TMEM234: variants seen among roughly 807,000 people sequenced by gnomAD.
TMEM234 encodes chromosome 1 open reading frame 91.
TMEM234 carries 21 observed loss-of-function variants against 17.8 expected under a neutral mutation model. That is an observed-to-expected ratio of 1.18 (90% CI 0.84 to 1.70). The LOEUF (loss-of-function observed/expected upper bound fraction) is 1.70. Among genes scored for constraint, TMEM234 ranks in the 40% most tolerant of loss-of-function variants. The probability of loss-of-function intolerance (pLI) is 0.00; values close to 1 mark genes in which losing one functional copy is unlikely to be tolerated. For synonymous variants in TMEM234, 83 were observed against 73.5 expected (o/e 1.13, Z -0.66); for missense variants, 137 against 166.9 (o/e 0.82, Z 0.99).
Position 32,216,874 on chromosome 1 carries a change from C to T in TMEM234, c.402G>A (p.Gln134=). 1 of 1,614,204 alleles carries T rather than the reference C, an allele frequency of 6.2e-7. No individual in the cohort carries two copies. Residue 134 remains glutamine (Q), a synonymous_variant, in exon 5 of 5, where the codon CAG becomes CAA. Coordinates refer to ENST00000309777, the MANE Select transcript of TMEM234 (RefSeq NM_019118.5). The stretch of plus-strand genomic sequence containing the variant: ...CCACTCAAAGGGTAGACTGTTGCCC[C>T]TGGGTCTTACTCACTGAGCTTGTGA... ...LCITSSVSKT[Q]GQQSTL
rs954157586 is a variant in TMEM234 at position 32,222,051 on chromosome 1, C to T, written c.17-33G>A. ...CAGACGAGTGAGTCACCCTGACCCCCACCCCAAACGGCCGCCCACCCCGCC... is the reference window on the plus strand; with the variant it reads ...CAGACGAGTGAGTCACCCTGACCCCTACCCCAAACGGCCGCCCACCCCGCC... On this transcript the variant is annotated intron_variant, in intron 1 of 4. Coordinates refer to ENST00000309777, the MANE Select transcript of TMEM234 (RefSeq NM_019118.5). 13 of 1,573,850 alleles carry T rather than the reference C, an allele frequency of 8.3e-6. No homozygotes were observed. The African/African-American group carries it at 1.5e-4, about 18-fold the overall frequency.
rs1638371527 is a variant in TMEM234, at chr1:32,216,256, TG to T, written c.*596del. ...ACTCGCCAGGTGTGCTGGAGTCAGG[TG>T]GGGCTGGGGCTCACAGCTCTCTACC... is the stretch of plus-strand genomic sequence containing the variant. On this transcript the variant is annotated 3_prime_UTR_variant, in exon 5 of 5. Transcript: ENST00000309777. 2.1e-6 allele frequency: 3 copies of T among 1,418,410 alleles called. No individual in the cohort carries two copies. The highest frequency in any genetic ancestry group is 2.8e-6 in the Non-Finnish European group (3 of 1,068,240). 87.9% of individuals were successfully genotyped at this position (1,418,410 alleles called of 1,614,324 possible).
chr1:32,215,135 C>A, downstream of TMEM234: 1 of 719,858 alleles, frequency 1.4e-6, no homozygotes, highest in Non-Finnish European at 2.2e-6. Context: ...CTGGTACTGA[C>A]CTCATCATAA....
Position 32,216,691 on chromosome 1 carries a change from T to A in TMEM234, c.*162A>T. 2 of 1,493,646 alleles carry A rather than the reference T, an allele frequency of 1.3e-6. No individual in the cohort carries two copies. Among genetic ancestry groups the A allele is most frequent in the Non-Finnish European group, 1.8e-6 (2 of 1,117,262 alleles). 92.5% of individuals were successfully genotyped at this position (1,493,646 alleles called of 1,614,324 possible). ...CTTGAAGGTTACAAAACTCTTTCACTCTTGTTCTCTTATTGTGATCCATGA... is the reference window on the plus strand; with the variant it reads ...CTTGAAGGTTACAAAACTCTTTCACACTTGTTCTCTTATTGTGATCCATGA... On this transcript the variant is annotated 3_prime_UTR_variant, in exon 5 of 5. Coordinates refer to ENST00000309777, the MANE Select transcript of TMEM234 (RefSeq NM_019118.5).
intron 3 of TMEM234, among the ~76,000 whole-genome samples, chr1:32,218,062 G>T (rs1319265193): frequency 6.6e-6 from 1 of 152,232 alleles, no homozygotes; most frequent in Non-Finnish European, 1.5e-5. Flanking sequence ...GGGCATCATA[G>T]CCCAGGATCT....
chr1:32,222,013 C>T lies in TMEM234; in HGVS notation c.22G>A (p.Val8Met), dbSNP rs1211594767. The change falls in exon 2 of 5, where the codon GTG (valine) becomes ATG (methionine). Residue 8 changes from valine (V) to methionine (M), a missense_variant. Coordinates refer to ENST00000309777, the MANE Select transcript of TMEM234 (RefSeq NM_019118.5). MAASLGQ[V>M]LALVLVAALW... ...GCGGCCACCAGCACCAGAGCCAACA[C>T]CTGCCCTGAATGCAGACGAGTGAGT... The T allele has an allele frequency of 6.2e-7, 1 of 1,610,782 alleles. No individual in the cohort carries two copies. Among genetic ancestry groups the T allele is most frequent in the East Asian group, 2.2e-5 (1 of 44,872 alleles).
chr1:32,221,813 A>T, intron 2 of TMEM234, 54 bp downstream of exon 2: 1 of 1,605,900 alleles, frequency 6.2e-7, no homozygotes, highest in Non-Finnish European at 8.5e-7. Flanking sequence ...GACTCCAAAG[A>T]CCAAATTCTT....
intron 2 of TMEM234, 135 bp from the exon 3 acceptor site, chr1:32,221,332 G>A: frequency 2.9e-6 from 2 of 696,080 alleles, no homozygotes; most frequent in South Asian, 3.4e-5. Flanking sequence ...TCCCTCTAAG[G>A]AGGATCCTTC....
chr1:32,216,252 CA>C lies in TMEM234; in HGVS notation c.*600del. 7.2e-7 allele frequency: 1 copy of C among 1,388,832 alleles called. No individual in the cohort carries two copies. Among genetic ancestry groups the C allele is most frequent in the South Asian group, 1.4e-5 (1 of 69,804 alleles). The allele number at this position is 1,388,832 out of a possible 1,614,324, so 86.0% of individuals were successfully genotyped here. A position where few individuals can be genotyped will look rare whatever the true frequency, so the allele number is the denominator to read the frequency against. On this transcript the variant is annotated 3_prime_UTR_variant, in exon 5 of 5. Coordinates refer to ENST00000309777, the MANE Select transcript of TMEM234 (RefSeq NM_019118.5). ...TACTACTCGCCAGGTGTGCTGGAGT[CA>C]GGTGGGGCTGGGGCTCACAGCTCTC... is the stretch of plus-strand genomic sequence containing the variant.
downstream of TMEM234, chr1:32,215,076 A>T (rs1462214281): frequency 1.7e-6 from 2 of 1,194,428 alleles, no homozygotes; most frequent in Non-Finnish European, 2.3e-6. Context: ...AAGATAAAGG[A>T]GTCTGAACCT....
chr1:32,220,665 C>A (rs1638815170), intron 3 of TMEM234, among the ~76,000 whole-genome samples: 1 of 152,134 alleles, frequency 6.6e-6, no homozygotes, highest in Non-Finnish European at 1.5e-5. Flanking sequence ...AGGGCAGTCA[C>A]AAATGTCAAG....
intron 3 of TMEM234, among the ~76,000 whole-genome samples, chr1:32,219,476 T>C (rs911494923): frequency 1.3e-5 from 2 of 152,178 alleles, no homozygotes; most frequent in Admixed American, 6.5e-5. Context: ...CACTGCAGCC[T>C]CAACCTCCTG....
chr1:32,221,769 G>A, intron 2 of TMEM234, 98 bp downstream of exon 2: 3 of 1,501,956 alleles, frequency 2.0e-6, no homozygotes, highest in Non-Finnish European at 2.7e-6. Flanking sequence ...AGAATTTCTA[G>A]TGAGTAAGTG....
chr1:32,218,174 C>G (rs998240346), intron 3 of TMEM234, among the ~76,000 whole-genome samples: 1 of 152,230 alleles, frequency 6.6e-6, no homozygotes, highest in Admixed American at 6.5e-5. Flanking sequence ...CCTGTAATCC[C>G]AGCACTTTGG....
downstream of TMEM234, chr1:32,215,150 C>T (rs888563179): frequency 6.1e-6 from 4 of 652,590 alleles, no homozygotes; most frequent in African/African-American, 5.5e-5. Context: ...TCATAACTGT[C>T]TCCAGCTGCC....
At position 32,222,349 on chromosome 1, in the gene TMEM234, G is replaced by T; in HGVS notation, c.-27C>A. On this transcript the variant is annotated 5_prime_UTR_variant, in exon 1 of 5. Coordinates refer to ENST00000309777, the MANE Select transcript of TMEM234 (RefSeq NM_019118.5). ...GCAACGCCGCTGTCTTCTACTTCCG[G>T]GAACGAAGGGGCGGAGACCCATAAT... 1.9e-6 allele frequency: 3 copies of T among 1,564,278 alleles called. No individual in the cohort carries two copies. The highest frequency in any genetic ancestry group is 2.6e-6 in the Non-Finnish European group (3 of 1,151,520).
intron 2 of TMEM234, 73 bp downstream of exon 2, chr1:32,221,793 AG>A: frequency 1.3e-6 from 2 of 1,590,714 alleles, no homozygotes; most frequent in Non-Finnish European, 8.6e-7. Flanking sequence ...GGGCTGACCC[AG>A]ACCTGTTTGA....
chr1:32,218,000 G>A (rs772516298), intron 3 of TMEM234, among the ~76,000 whole-genome samples: 4 of 152,242 alleles, frequency 2.6e-5, no homozygotes, highest in Non-Finnish European at 5.9e-5. Flanking sequence ...GTGTCAGAAG[G>A]AAGGAGCAGG....
At chr1:32,216,175 T>G, downstream of TMEM234, 1 of 801,200 alleles carries the variant, frequency 1.2e-6, no homozygotes, top group Non-Finnish European at 1.9e-6. Context: ...TTTGTCACAA[T>G]AAAAGAATAC....
Sources: gnomAD v4.1 joint callset for allele counts (sites outside exome capture counted in the v4.1 genomes callset) on GRCh38, gnomAD v4.1.1 for gene constraint, MANE v1.5 for transcripts, NCBI Gene and HGNC (gene_info 2026-07-23, HGNC 2026-07-21) for gene names.